ATP10D: variants seen among roughly 807,000 people sequenced by gnomAD.
ATP10D encodes the protein phospholipid-transporting ATPase VD.
A neutral mutation model predicts 144.8 loss-of-function variants in ATP10D; 89 were observed. That is an observed-to-expected ratio of 0.61 (90% CI 0.52 to 0.73). ATP10D has a LOEUF of 0.73. Among genes scored for constraint, ATP10D ranks in the 30% least tolerant of loss-of-function variants. The pLI, the probability that ATP10D is intolerant of heterozygous loss-of-function variation, is 0.00. For synonymous variants in ATP10D, 571 were observed against 615.1 expected (o/e 0.93, Z 1.06); for missense variants, 1,603 against 1,714.8 (o/e 0.93, Z 1.15).
chr4:47,545,389 G>T (rs1049581428), intron 9 of ATP10D, among the ~76,000 whole-genome samples: 1 of 152,294 alleles, frequency 6.6e-6, no homozygotes, highest in Non-Finnish European at 1.5e-5. Flanking sequence ...GATCTGATCT[G>T]CTTTATCTTT....
chr4:47,489,287 G>T (rs1172753991), intron 1 of ATP10D, among the ~76,000 whole-genome samples: 3 of 151,804 alleles, frequency 2.0e-5, no homozygotes, highest in Admixed American at 2.0e-4. Flanking sequence ...TCATTTTGTT[G>T]GGAAAATTAT....
intron 22 of ATP10D, 92 bp downstream of exon 22, chr4:47,587,298 C>A: frequency 1.7e-6 from 2 of 1,164,462 alleles, no homozygotes; most frequent in Non-Finnish European, 1.2e-6. Context: ...GTTGGCAGCC[C>A]ACCCTGTTTA....
chr4:47,515,780 G>C, intron 3 of ATP10D, 110 bp downstream of exon 3: 1 of 818,878 alleles, frequency 1.2e-6, no homozygotes, highest in South Asian at 2.3e-5. Context: ...TGGTGGTGTT[G>C]GTGTTGTTGC....
intron 1 of ATP10D, among the ~76,000 whole-genome samples, chr4:47,498,664 A>C (rs1046579165): frequency 1.4e-4 from 21 of 152,228 alleles, no homozygotes; most frequent in African/African-American, 4.3e-4. Context: ...TGCATGGTAT[A>C]GCAACAAGAA....
chr4:47,502,276 C>T (rs1210913358), intron 1 of ATP10D, among the ~76,000 whole-genome samples: 2 of 152,100 alleles, frequency 1.3e-5, no homozygotes, highest in Non-Finnish European at 2.9e-5. Flanking sequence ...TCGAGACCAT[C>T]CTGGCTAACA....
intron 9 of ATP10D, 93 bp downstream of exon 9, chr4:47,537,031 G>A: frequency 7.0e-7 from 1 of 1,437,038 alleles, no homozygotes; most frequent in South Asian, 1.4e-5. Context: ...TGACATAGAA[G>A]TGGTTTATTT....
At chr4:47,544,232 G>A (rs1718302304) in intron 9 of ATP10D, among the ~76,000 whole-genome samples, 1 of 152,126 alleles carries the variant, frequency 6.6e-6, no homozygotes, top group Admixed American at 6.6e-5. Context: ...GATTAAATGA[G>A]GCAAGTGCCT....
At chr4:47,521,836 A>G (rs1451372894) in intron 3 of ATP10D, among the ~76,000 whole-genome samples, 1 of 152,108 alleles carries the variant, frequency 6.6e-6, no homozygotes, top group Non-Finnish European at 1.5e-5. Flanking sequence ...GGACCAATAA[A>G]CCCTTCAGAT....
chr4:47,591,139 C>T lies in ATP10D; in HGVS notation c.4039C>T (p.Leu1347Phe), dbSNP rs1170458573. 3 of 1,613,458 alleles carry T rather than the reference C, an allele frequency of 1.9e-6. No homozygotes were observed. The highest frequency in any genetic ancestry group is 2.5e-6 in the Non-Finnish European group (3 of 1,179,592). The change falls in exon 23 of 23, where the codon CTC (leucine) becomes TTC (phenylalanine). Residue 1347 changes from leucine to phenylalanine, a missense_variant. Coordinates refer to ENST00000273859, the MANE Select transcript of ATP10D (RefSeq NM_020453.4). ...AACTCCAGAGGAGAGGACTAAAGCT[C>T]TCAAGAAGTGGAGAGGGGCTGGAAA... Reference protein sequence around the residue: ...RLTPEERTKALKKWRGAGKMN... With the variant: ...RLTPEERTKAFKKWRGAGKMN...
chr4:47,563,048 G>C (rs940551721), intron 14 of ATP10D, among the ~76,000 whole-genome samples: 1 of 152,102 alleles, frequency 6.6e-6, no homozygotes, highest in Non-Finnish European at 1.5e-5. Context: ...AAATGAAATA[G>C]TAGACATTGG....
At position 47,567,477 on chromosome 4, in the gene ATP10D, A is replaced by T. The variant is rs936494798; in HGVS notation, c.2854-1360A>T. Among the ~76,000 whole-genome samples the T allele has an allele frequency of 2.0e-5, 3 of 152,244 alleles. No individual in the cohort carries two copies. The East Asian group carries it at 5.8e-4, about 29-fold the overall frequency. On this transcript the variant is annotated intron_variant, in intron 15 of 22. Coordinates refer to ENST00000273859, the MANE Select transcript of ATP10D (RefSeq NM_020453.4). Reference sequence around the variant, plus strand: ...TATACTGTAAGCATATTGGTGCCACAAAGACTATATTTATGTTATTGTATG... The same window carrying T: ...TATACTGTAAGCATATTGGTGCCACTAAGACTATATTTATGTTATTGTATG...
At chr4:47,503,381 A>G (rs1018625572) in intron 1 of ATP10D, among the ~76,000 whole-genome samples, 2 of 152,130 alleles carry the variant, frequency 1.3e-5, no homozygotes, top group African/African-American at 4.8e-5. Flanking sequence ...TGCTGAGTAA[A>G]TTGAAAATGA....
In ATP10D at chr4:47,545,800, T is replaced by G. The variant is rs76751335; in HGVS notation, c.1397-824T>G. Among the ~76,000 whole-genome samples, 132 of 152,258 alleles carry G rather than the reference T, an allele frequency of 8.7e-4. 1 individual carries two copies. The East Asian group carries it at 0.024, about 27-fold the overall frequency. ...CAAAAAATAAAATAAATAAGATATA[T>G]ATGTGTAGATGGTGGTAGGTCTTGG... On this transcript the variant is annotated intron_variant, in intron 9 of 22. Transcript: ENST00000273859.
chr4:47,548,503 GAGA>G (rs1253117591), intron 10 of ATP10D, among the ~76,000 whole-genome samples: 2 of 152,160 alleles, frequency 1.3e-5, no homozygotes, highest in Non-Finnish European at 2.9e-5. Context: ...AACTCCCTGA[GAGA>G]AGGATTTATC....
chr4:47,507,907 A>G (rs1433979654), intron 1 of ATP10D, among the ~76,000 whole-genome samples: 1 of 152,194 alleles, frequency 6.6e-6, no homozygotes, highest in East Asian at 1.9e-4. Flanking sequence ...TGAGTGGGTG[A>G]TATGGTTAAC....
intron 18 of ATP10D, among the ~76,000 whole-genome samples, chr4:47,574,364 C>A (rs545315553): frequency 6.6e-6 from 1 of 152,294 alleles, no homozygotes; most frequent in African/African-American, 2.4e-5. Context: ...TAATTGATAT[C>A]TCTTATTTAC....
chr4:47,532,819 T>C (rs1717638265), intron 5 of ATP10D, among the ~76,000 whole-genome samples: 1 of 152,204 alleles, frequency 6.6e-6, no homozygotes, highest in Non-Finnish European at 1.5e-5. Flanking sequence ...TGTTTCTACC[T>C]GTATTACCTC....
intron 22 of ATP10D, among the ~76,000 whole-genome samples, chr4:47,589,448 C>A (rs921940552): frequency 6.6e-6 from 1 of 152,084 alleles, no homozygotes; most frequent in Non-Finnish European, 1.5e-5. Flanking sequence ...TGAATTTTGG[C>A]ACATAATAGA....
chr4:47,568,214 A>G (rs1287806504), intron 15 of ATP10D, among the ~76,000 whole-genome samples: 2 of 152,268 alleles, frequency 1.3e-5, no homozygotes, highest in African/African-American at 4.8e-5. Context: ...CATCCTGGCC[A>G]GAATGCAAGT....
Sources: allele counts gnomAD v4.1 joint callset (sites outside exome capture counted in the v4.1 genomes callset), GRCh38; gene constraint gnomAD v4.1.1; transcripts MANE v1.5; gene names NCBI Gene and HGNC (gene_info 2026-07-23, HGNC 2026-07-21).